Variants in ASB5 observed in about 807,000 individuals in gnomAD.
ASB5 encodes the protein ankyrin repeat and SOCS box protein 5.
In ASB5, 45 loss-of-function variants were observed where a neutral mutation model predicts 42.1. The ratio of observed to expected loss-of-function variants is 1.07; its 90% CI spans 0.84 to 1.37. The LOEUF is 1.37. ASB5 is among the 40% of genes most tolerant of loss of function. ASB5 has a pLI of 0.00. For missense variants in ASB5, 402 were observed against 399.8 expected (o/e 1.01, Z -0.05); for synonymous variants, 147 against 150.6 (o/e 0.98, Z 0.18).
chr4:176,232,332 C>T (rs1753570959), intron 1 of ASB5, among the ~76,000 whole-genome samples: 1 of 151,962 alleles, frequency 6.6e-6, no homozygotes, highest in Non-Finnish European at 1.5e-5. Flanking sequence ...CCATGTTAGT[C>T]AGGCTGGTCT....
At chr4:176,228,185 C>A (rs1175974982) in intron 1 of ASB5, among the ~76,000 whole-genome samples, 2 of 152,114 alleles carry the variant, frequency 1.3e-5, no homozygotes, top group Non-Finnish European at 2.9e-5. Flanking sequence ...CTTAGATAGT[C>A]AGGGAATTTC....
intron 1 of ASB5, among the ~76,000 whole-genome samples, chr4:176,263,553 G>C (rs1229495121): frequency 4.6e-5 from 7 of 151,866 alleles, no homozygotes; most frequent in Admixed American, 6.6e-5. Flanking sequence ...TGTCATACAA[G>C]AGCAGTTCTA....
intron 1 of ASB5, among the ~76,000 whole-genome samples, chr4:176,244,747 C>A (rs1346682420): frequency 6.6e-6 from 1 of 151,936 alleles, no homozygotes; most frequent in Non-Finnish European, 1.5e-5. Context: ...ACCCCCATCT[C>A]TACAAAAAAA....
intron 1 of ASB5, among the ~76,000 whole-genome samples, chr4:176,252,209 TAAG>T (rs1157802054): frequency 1.3e-5 from 2 of 152,182 alleles, no homozygotes; most frequent in Non-Finnish European, 2.9e-5. Flanking sequence ...TATGTCTGAT[TAAG>T]AAGAAGGAAT....
chr4:176,271,177 C>T (rs1046350435), upstream of ASB5, among the ~76,000 whole-genome samples: 25 of 152,216 alleles, frequency 1.6e-4, no homozygotes, highest in African/African-American at 5.8e-4. Flanking sequence ...ACTTGATTCC[C>T]ATTTGTATGT....
At chr4:176,239,830 C>A (rs549381384) in intron 1 of ASB5, among the ~76,000 whole-genome samples, 2 of 152,192 alleles carry the variant, frequency 1.3e-5, no homozygotes, top group Middle Eastern at 6.8e-3. Flanking sequence ...CTAAGGAGAA[C>A]CTATCAATAC....
intron 1 of ASB5, among the ~76,000 whole-genome samples, chr4:176,225,842 G>A (rs935798401): frequency 6.6e-6 from 1 of 152,128 alleles, no homozygotes; most frequent in Admixed American, 6.6e-5. Flanking sequence ...CACCTGCCTT[G>A]GTCTCCCAAA....
chr4:176,268,514 A>C (rs1325656158), intron 1 of ASB5, among the ~76,000 whole-genome samples: 3 of 152,202 alleles, frequency 2.0e-5, no homozygotes, highest in African/African-American at 7.2e-5. Context: ...TTAATTTAAA[A>C]TTATACAATC....
intron 1 of ASB5, among the ~76,000 whole-genome samples, chr4:176,260,206 G>T (rs11940931): frequency 5.3e-5 from 8 of 152,160 alleles, no homozygotes; most frequent in Non-Finnish European, 5.9e-5. Context: ...TGTTCTGTTC[G>T]AAAGGGGGAA....
chr4:176,231,435 T>C (rs547814333), intron 1 of ASB5, among the ~76,000 whole-genome samples: 1 of 38,804 alleles, frequency 2.6e-5, no homozygotes, highest in African/African-American at 1.4e-4. Context: ...CCTAACTTAT[T>C]TTTTTCTCCT....
upstream of ASB5, among the ~76,000 whole-genome samples, chr4:176,273,494 G>A (rs1754512607): frequency 6.6e-6 from 1 of 152,108 alleles, no homozygotes; most frequent in African/African-American, 2.4e-5. Flanking sequence ...ACCCTTAGAT[G>A]TTCATTTGGT....
In ASB5 at chr4:176,216,878, G is replaced by T. The variant is rs879247872; in HGVS notation, c.802C>A (p.Arg268=). ...DINAKNTELL[R]PIDVATSSSM... ...CTAGACGTAGCTACATCTATAGGTC[G>T]CAGAAGCTCTGTATTTTTGGCATTG... Residue 268 remains arginine, a synonymous_variant, in exon 6 of 7, where the codon CGA becomes AGA. Transcript: ENST00000296525. 1.9e-6 allele frequency: 3 copies of T among 1,613,604 alleles called. No individual in the cohort carries two copies. The highest frequency in any genetic ancestry group is 1.3e-5 in the African/African-American group (1 of 74,852).
At chr4:176,260,206 G>A (rs11940931) in intron 1 of ASB5, among the ~76,000 whole-genome samples, 103,800 of 152,106 alleles carry the variant, frequency 0.68, 35,795 homozygotes, top group Middle Eastern at 0.75. Context: ...TGTTCTGTTC[G>A]AAAGGGGGAA....
chr4:176,248,501 T>G lies in ASB5; in HGVS notation c.196+20412A>C, dbSNP rs532091478. ...GGGTTTCACCACAGATACAGCCACA[T>G]TGGAAAACAGGGCAATACTGTCTTA... is the stretch of plus-strand genomic sequence containing the variant. On this transcript the variant is annotated intron_variant, in intron 1 of 6. Coordinates refer to ENST00000296525, the MANE Select transcript of ASB5 (RefSeq NM_080874.4). Among the ~76,000 whole-genome samples, 6 of 152,218 alleles carry G rather than the reference T, an allele frequency of 3.9e-5. No individual in the cohort carries two copies. The South Asian group carries it at 1.2e-3, about 32-fold the overall frequency.
At chr4:176,219,773 G>C (rs1303421394) in intron 5 of ASB5, among the ~76,000 whole-genome samples, 1 of 150,884 alleles carries the variant, frequency 6.6e-6, no homozygotes, top group Non-Finnish European at 1.5e-5. Flanking sequence ...CACTATGTTG[G>C]CCAGGCTGGT....
intron 1 of ASB5, chr4:176,277,084 C>A (rs1032285590): frequency 1.2e-4 from 18 of 152,134 alleles, no homozygotes; most frequent in African/African-American, 4.3e-4. Flanking sequence ...ATGTTACAGG[C>A]CCATTGGAAG....
intron 1 of ASB5, among the ~76,000 whole-genome samples, chr4:176,233,169 A>T (rs1055354975): frequency 1.3e-5 from 2 of 152,232 alleles, no homozygotes; most frequent in Non-Finnish European, 2.9e-5. Flanking sequence ...TTACTTTCAT[A>T]TATCTTCCCC....
intron 1 of ASB5, among the ~76,000 whole-genome samples, chr4:176,240,885 A>G (rs1045660465): frequency 6.6e-6 from 1 of 152,240 alleles, no homozygotes; most frequent in Admixed American, 6.5e-5. Context: ...GAAAAAGAAC[A>G]TCAGGATAAA....
Position 176,269,115 on chromosome 4 carries a change from A to G in ASB5, c.-7T>C. ...TTTCTTCTAACACCGACATTGCTGC[A>G]GAAGAATCTGCGGCGGTCTTTAGTT... On this transcript the variant is annotated 5_prime_UTR_variant, in exon 1 of 7. Coordinates refer to ENST00000296525, the MANE Select transcript of ASB5 (RefSeq NM_080874.4). 6.2e-7 allele frequency: 1 copy of G among 1,608,732 alleles called. No homozygotes were observed. Among genetic ancestry groups the G allele is most frequent in the South Asian group, 1.1e-5 (1 of 90,602 alleles).
Sources: allele counts gnomAD v4.1 joint callset (sites outside exome capture counted in the v4.1 genomes callset), GRCh38; gene constraint gnomAD v4.1.1; transcripts MANE v1.5; gene names NCBI Gene and HGNC (gene_info 2026-07-23, HGNC 2026-07-21).